ZSCAN4: variants seen among roughly 807,000 people sequenced by gnomAD.
ZSCAN4 encodes zinc finger and SCAN domain-containing protein 4.
ZSCAN4 carries 18 observed loss-of-function variants against 18.3 expected under a neutral mutation model. The observed-to-expected ratio is 0.98, with a 90% CI of 0.68 to 1.46. The LOEUF (loss-of-function observed/expected upper bound fraction) is 1.46. Ranked by LOEUF, ZSCAN4 falls within the 40% of genes most tolerant of loss-of-function variation. The pLI, the probability that ZSCAN4 is intolerant of heterozygous loss-of-function variation, is 0.00. For synonymous variants in ZSCAN4, 193 were observed against 180.3 expected (o/e 1.07, Z -0.57); for missense variants, 498 against 511.4 (o/e 0.97, Z 0.25).
chr19:57,662,339 T>G, the ZSCAN4 span, among the ~76,000 whole-genome samples: 1 of 152,112 alleles, frequency 6.6e-6, no homozygotes, highest in Non-Finnish European at 1.5e-5. Context: ...TTTTTTTCTT[T>G]TATCTGGCTA....
the ZSCAN4 span, among the ~76,000 whole-genome samples, chr19:57,660,290 A>C: frequency 0.51 from 76,908 of 152,098 alleles, 20,057 homozygotes; most frequent in East Asian, 0.59. Context: ...AGACACACAT[A>C]GCATCCTGTC....
the ZSCAN4 span, among the ~76,000 whole-genome samples, chr19:57,652,922 C>T: frequency 2.0e-5 from 3 of 152,182 alleles, no homozygotes; most frequent in African/African-American, 7.2e-5. Context: ...CTCCTCCCCT[C>T]TTACCCCTGA....
At chr19:57,675,905 TC>T (rs1435991583) in intron 2 of ZSCAN4, 135 bp from the exon 3 acceptor site, 2 of 411,466 alleles carry the variant, frequency 4.9e-6, no homozygotes, top group Non-Finnish European at 8.7e-6. Flanking sequence ...TCTTATATGC[TC>T]TGGGAGAGTT....
intron 3 of ZSCAN4, among the ~76,000 whole-genome samples, chr19:57,677,224 A>G (rs1296991111): frequency 1.3e-5 from 2 of 152,248 alleles, no homozygotes; most frequent in African/African-American, 4.8e-5. Flanking sequence ...CAAAATTGCT[A>G]AAATTTATTT....
exon 5 of ZSCAN4, chr19:57,679,003 C>A: frequency 7.7e-7 from 1 of 1,293,438 alleles, no homozygotes; most frequent in Admixed American, 2.9e-5. Flanking sequence ...CCTGATTATG[C>A]TTTCAATTTA....
upstream of ZSCAN4, among the ~76,000 whole-genome samples, chr19:57,666,806 G>A (rs897348070): frequency 3.9e-5 from 6 of 152,108 alleles, no homozygotes; most frequent in Admixed American, 6.5e-5. Flanking sequence ...AGCCAAGATC[G>A]TGCCACTGCA....
the ZSCAN4 span, among the ~76,000 whole-genome samples, chr19:57,652,760 G>A: frequency 3.3e-5 from 5 of 152,194 alleles, no homozygotes; most frequent in Non-Finnish European, 1.5e-5. Context: ...TGAAGGCATA[G>A]TCTGAGTCCA....
At chr19:57,666,421 C>T (rs1278359498), upstream of ZSCAN4, among the ~76,000 whole-genome samples, 1 of 152,164 alleles carries the variant, frequency 6.6e-6, no homozygotes, top group East Asian at 1.9e-4. Flanking sequence ...AGGTGCAGGG[C>T]TGCCTCGGAA....
At chr19:57,677,099 G>T (rs1654854428) in intron 3 of ZSCAN4, among the ~76,000 whole-genome samples, 1 of 152,194 alleles carries the variant, frequency 6.6e-6, no homozygotes. Flanking sequence ...AAGACATCAA[G>T]GTTGAGGAAG....
the ZSCAN4 span, among the ~76,000 whole-genome samples, chr19:57,656,970 G>A: frequency 6.6e-6 from 1 of 150,428 alleles, no homozygotes; most frequent in East Asian, 2.0e-4. Context: ...CTGGGCAACA[G>A]GGTGAGATAT....
intron 1 of ZSCAN4, among the ~76,000 whole-genome samples, chr19:57,669,708 GT>G (rs35934113): frequency 2.7e-5 from 4 of 146,740 alleles, no homozygotes; most frequent in African/African-American, 5.1e-5. Flanking sequence ...TACAGGCATG[GT>G]TTTTTTTTTG....
At chr19:57,676,623 G>A in intron 3 of ZSCAN4, 82 bp downstream of exon 3, 1 of 1,475,378 alleles carries the variant, frequency 6.8e-7, no homozygotes, top group South Asian at 1.4e-5. Context: ...TTGTCTGGAA[G>A]TTAGAGAAGC....
the ZSCAN4 span, among the ~76,000 whole-genome samples, chr19:57,656,642 C>T: frequency 2.0e-5 from 3 of 152,130 alleles, no homozygotes; most frequent in African/African-American, 7.2e-5. Flanking sequence ...ACCCATATAC[C>T]CCCTGTAAAA....
chr19:57,676,019 C>T (rs1984170182), intron 2 of ZSCAN4, 22 bp from the exon 3 acceptor site: 2 of 932,090 alleles, frequency 2.1e-6, no homozygotes, highest in Non-Finnish European at 3.1e-6. Flanking sequence ...CAATTAATTA[C>T]TCATCTCTTT....
chr19:57,674,677 G>T (rs1453558208), intron 2 of ZSCAN4, among the ~76,000 whole-genome samples: 2 of 152,044 alleles, frequency 1.3e-5, no homozygotes, highest in Non-Finnish European at 2.9e-5. Context: ...TTCCTTTTGA[G>T]TAGATACTGA....
the ZSCAN4 span, among the ~76,000 whole-genome samples, chr19:57,662,976 G>C: frequency 1.3e-5 from 2 of 151,584 alleles, no homozygotes; most frequent in Admixed American, 6.6e-5. Context: ...TCAACCTCCT[G>C]GGTTCAAGAG....
exon 5 of ZSCAN4, chr19:57,678,755 G>A (rs1327579676): frequency 2.5e-6 from 4 of 1,613,972 alleles, no homozygotes; most frequent in South Asian, 1.1e-5. Context: ...CCAACCTGCG[G>A]TCTCATGAGA....
At chr19:57,674,844 T>C (rs1031077949) in intron 2 of ZSCAN4, among the ~76,000 whole-genome samples, 1 of 152,186 alleles carries the variant, frequency 6.6e-6, no homozygotes, top group African/African-American at 2.4e-5. Context: ...TTTCTTTCCT[T>C]ATTTCACTGG....
chr19:57,654,632 A>G, the ZSCAN4 span, among the ~76,000 whole-genome samples: 2 of 152,056 alleles, frequency 1.3e-5, no homozygotes, highest in Non-Finnish European at 2.9e-5. Flanking sequence ...TTTTTTATTT[A>G]TTAACCAGGC....
Sources: gnomAD v4.1 joint callset for allele counts (sites outside exome capture counted in the v4.1 genomes callset) on GRCh38, gnomAD v4.1.1 for gene constraint, MANE v1.5 for transcripts, NCBI Gene and HGNC (gene_info 2026-07-23, HGNC 2026-07-21) for gene names.